The following DUSP7 variants were observed in gnomAD, a reference collection of about 807,000 sequenced individuals.
The protein encoded by DUSP7 is dual specificity protein phosphatase 7.
In DUSP7, 7 loss-of-function variants were observed where a neutral mutation model predicts 29.8. That is an observed-to-expected ratio of 0.24 (90% CI 0.13 to 0.44). DUSP7 has a LOEUF of 0.44. Ranked by LOEUF, DUSP7 falls within the 20% of genes least tolerant of loss-of-function variation. The pLI is 1.00. For missense variants in DUSP7, 400 were observed against 583.7 expected (o/e 0.69, Z 3.24); for synonymous variants, 287 against 275.4 (o/e 1.04, Z -0.42).
chr3:52,050,662 T>G lies in DUSP7; in HGVS notation c.*153A>C, dbSNP rs1577765859. ...CTGCGGGCCCTGCCCCCAAGGATGG[T>G]GAGGGGCGCTCCGACACCGATCAGC... On this transcript the variant is annotated 3_prime_UTR_variant, in exon 3 of 3. Transcript: ENST00000495880. This position sits in a 1 kb window ranked among gnomAD's most constrained non-coding sequence, Gnocchi z 5.0. 2.2e-6 allele frequency: 2 copies of G among 899,916 alleles called. No homozygotes were observed. The highest frequency in any genetic ancestry group is 3.3e-6 in the Non-Finnish European group (2 of 612,374). 55.7% of individuals were successfully genotyped at this position (899,916 alleles called of 1,614,324 possible). A position where few individuals can be genotyped will look rare whatever the true frequency, so the allele number is the denominator to read the frequency against.
chr3:52,055,897 A>T lies in DUSP7; in HGVS notation c.470T>A (p.Leu157His). The T allele has an allele frequency of 6.4e-7, 1 of 1,574,354 alleles. No individual in the cohort carries two copies. Among genetic ancestry groups the T allele is most frequent in the Non-Finnish European group, 8.6e-7 (1 of 1,162,898 alleles). ...PGAPASVLGLLLQKLRDDGCQ... is the reference protein window; with the variant it reads ...PGAPASVLGLHLQKLRDDGCQ... ...GCCGTCGTCGCGCAGCTTCTGTAGG[A>T]GCAGGCCGAGCACGGAGGCGGGAGC... Residue 157 changes from leucine to histidine, a missense_variant, in exon 1 of 3, where the codon CTC becomes CAC. By Grantham distance (99) the Leu-to-His change is moderately conservative. Transcript: ENST00000495880.
intron 1 of DUSP7, 92 bp downstream of exon 1, chr3:52,055,758 C>G (rs1211917725): frequency 3.6e-6 from 5 of 1,399,146 alleles, no homozygotes; most frequent in Admixed American, 5.7e-5. Flanking sequence ...AGGGGCAGGC[C>G]GAGCGCGTGG....
In DUSP7 at chr3:52,053,136, A is replaced by C. The variant is rs550594926; in HGVS notation, c.952+804T>G. The C allele has an allele frequency of 9.3e-4, 141 of 152,426 alleles. No homozygotes were observed. The highest frequency in any genetic ancestry group is 3.1e-3 in the African/African-American group (130 of 41,566). 9.4% of individuals were successfully genotyped at this position (152,426 alleles called of 1,614,324 possible). A position where few individuals can be genotyped will look rare whatever the true frequency, so the allele number is the denominator to read the frequency against. ...TTGCCACTGGAGGCTGGGCAGAAACATTGGGTCACCAGGCTCAGAGATAGA... is the reference window on the plus strand; with the variant it reads ...TTGCCACTGGAGGCTGGGCAGAAACCTTGGGTCACCAGGCTCAGAGATAGA... On this transcript the variant is annotated intron_variant, in intron 2 of 2. Coordinates refer to ENST00000495880, the MANE Select transcript of DUSP7 (RefSeq NM_001947.4). The surrounding 1 kb of genome is among the most constrained non-coding windows in gnomAD (Gnocchi z 4.6).
rs953720194 is a variant in DUSP7, at chr3:52,055,517, G to A, written c.517+333C>T. ...ACTTGGGCGCCCTGCCGCTTTTAGG[G>A]TTCTGGGAGGCGGCGCCTTCCACCT... On this transcript the variant is annotated intron_variant, in intron 1 of 2. Transcript: ENST00000495880. Among the ~76,000 whole-genome samples the A allele has an allele frequency of 4.6e-5, 7 of 152,322 alleles. No individual in the cohort carries two copies. In the East Asian group the frequency reaches 1.3e-3, roughly 29 times the overall value.
Position 52,056,452 on chromosome 3 carries a change from G to A in DUSP7, c.-86C>T, listed in dbSNP as rs968562338. On this transcript the variant is annotated 5_prime_UTR_variant, in exon 1 of 3. Transcript: ENST00000495880. This position sits in a 1 kb window ranked among gnomAD's most constrained non-coding sequence, Gnocchi z 6.4. ...CCGCGCGGGCCCCAGCCGCGTCTCCGGGCGCCCGCCTCCCGCCGAGCTGCG... is the reference window on the plus strand; with the variant it reads ...CCGCGCGGGCCCCAGCCGCGTCTCCAGGCGCCCGCCTCCCGCCGAGCTGCG... The A allele has an allele frequency of 8.1e-6, 6 of 738,348 alleles. No homozygotes were observed. The highest frequency in any genetic ancestry group is 5.8e-5 in the African/African-American group (3 of 51,822). 45.7% of individuals were successfully genotyped at this position (738,348 alleles called of 1,614,324 possible). A position where few individuals can be genotyped will look rare whatever the true frequency, so the allele number is the denominator to read the frequency against.
At position 52,055,885 on chromosome 3, in the gene DUSP7, A is replaced by G; in HGVS notation, c.482T>C (p.Leu161Pro). 1 of 1,572,178 alleles carries G rather than the reference A, an allele frequency of 6.4e-7. No homozygotes were observed. Among genetic ancestry groups the G allele is most frequent in the Non-Finnish European group, 8.6e-7 (1 of 1,159,978 alleles). Residue 161 changes from leucine to proline, a missense_variant, in exon 1 of 3, where the codon CTG becomes CCG. This residue lies in a region of DUSP7 where 223 missense variants were observed against 360.9 expected (regional missense o/e 0.62). Transcript: ENST00000495880. ...GTAGGCCTGGCAGCCGTCGTCGCGC[A>G]GCTTCTGTAGGAGCAGGCCGAGCAC... ...ASVLGLLLQK[L>P]RDDGCQAYYL...
chr3:52,056,352 G>C lies in DUSP7; in HGVS notation c.15C>G (p.Leu5=). 1 of 1,141,710 alleles carries C rather than the reference G, an allele frequency of 8.8e-7. No homozygotes were observed. The highest frequency in any genetic ancestry group is 1.1e-6 in the Non-Finnish European group (1 of 932,308). The allele number at this position is 1,141,710 out of a possible 1,614,324, so 70.7% of individuals were successfully genotyped here. A position where few individuals can be genotyped will look rare whatever the true frequency, so the allele number is the denominator to read the frequency against. Residue 5 remains leucine (L), a synonymous_variant, in exon 1 of 3, where the codon CTC becomes CTG. Coordinates refer to ENST00000495880, the MANE Select transcript of DUSP7 (RefSeq NM_001947.4). This position sits in a 1 kb window ranked among gnomAD's most constrained non-coding sequence, Gnocchi z 6.4. ...TGTGCGCCCGCGCTGGGGGGCCGCG[G>C]AGCTGGTTTTTCATGGGGAGCGCGG... MKNQ[L]RGPPARAHMS...
chr3:52,053,714 G>T lies in DUSP7; in HGVS notation c.952+226C>A. 1 of 577,156 alleles carries T rather than the reference G, an allele frequency of 1.7e-6. No individual in the cohort carries two copies. 35.8% of individuals were successfully genotyped at this position (577,156 alleles called of 1,614,324 possible). On this transcript the variant is annotated intron_variant, in intron 2 of 2. Coordinates refer to ENST00000495880, the MANE Select transcript of DUSP7 (RefSeq NM_001947.4). The surrounding 1 kb of genome is among the most constrained non-coding windows in gnomAD (Gnocchi z 4.6). ...GCCCATGACGTGCTGTCAGCTAGGG[G>T]GAGCTCAGGACTCAGGAGACTGCTC...
In DUSP7 at chr3:52,056,340, T is replaced by C; in HGVS notation, c.27A>G (p.Pro9=). The change falls in exon 1 of 3, where the codon CCA becomes CCG. Residue 9 remains proline (P), a synonymous_variant. Coordinates refer to ENST00000495880, the MANE Select transcript of DUSP7 (RefSeq NM_001947.4). This position sits in a 1 kb window ranked among gnomAD's most constrained non-coding sequence, Gnocchi z 6.4. ...CCGAAGTCGACATGTGCGCCCGCGC[T>C]GGGGGGCCGCGGAGCTGGTTTTTCA... The part of the protein sequence containing the change: MKNQLRGP[P]ARAHMSTSGA... The C allele has an allele frequency of 8.6e-7, 1 of 1,157,048 alleles. No homozygotes were observed. The highest frequency in any genetic ancestry group is 4.8e-5 in the Admixed American group (1 of 20,928). 71.7% of individuals were successfully genotyped at this position (1,157,048 alleles called of 1,614,324 possible). A position where few individuals can be genotyped will look rare whatever the true frequency, so the allele number is the denominator to read the frequency against.
chr3:52,054,065 T>C lies in DUSP7; in HGVS notation c.827A>G (p.Asn276Ser), dbSNP rs550638572. 2 of 1,614,124 alleles carry C rather than the reference T, an allele frequency of 1.2e-6. No individual in the cohort carries two copies. Among genetic ancestry groups the C allele is most frequent in the South Asian group, 1.1e-5 (1 of 91,072 alleles). ...LGKYGIKYILNVTPNLPNAFE... is the reference protein window; with the variant it reads ...LGKYGIKYILSVTPNLPNAFE... ...GGCGTTGGGTAGGTTGGGTGTGACA[T>C]TGAGGATATACTTGATGCCATACTT... Residue 276 changes from asparagine (N) to serine (S), a missense_variant, in exon 2 of 3, where the codon AAT becomes AGT. Physicochemically the swap from Asn to Ser is conservative, Grantham distance 46. This residue lies in a region of DUSP7 where 223 missense variants were observed against 360.9 expected (regional missense o/e 0.62). Coordinates refer to ENST00000495880, the MANE Select transcript of DUSP7 (RefSeq NM_001947.4). The surrounding 1 kb of genome is among the most constrained non-coding windows in gnomAD (Gnocchi z 4.1).
rs1270163554 is a variant in DUSP7 at position 52,053,580 on chromosome 3, G to A, written c.952+360C>T. On this transcript the variant is annotated intron_variant, in intron 2 of 2. Transcript: ENST00000495880. This position sits in a 1 kb window ranked among gnomAD's most constrained non-coding sequence, Gnocchi z 4.6. ...CCTGGAGAGACACGTGTGCTGAGGC[G>A]TGATGCGGAGCAAGTGAGACCCGTG... 8.4e-5 allele frequency: 25 copies of A among 298,694 alleles called. No individual in the cohort carries two copies. The highest frequency in any genetic ancestry group is 1.3e-4 in the African/African-American group (6 of 46,772). 18.5% of individuals were successfully genotyped at this position (298,694 alleles called of 1,614,324 possible). A position where few individuals can be genotyped will look rare whatever the true frequency, so the allele number is the denominator to read the frequency against.
intron 1 of DUSP7, 36 bp downstream of exon 1, chr3:52,055,814 C>G (rs757913366): frequency 1.5e-5 from 22 of 1,483,106 alleles, no homozygotes; most frequent in East Asian, 4.7e-5. Flanking sequence ...CGCGGGGGGG[C>G]CCCGATCCCG....
rs150800928 is a variant in DUSP7, at chr3:52,054,599, C to T, written c.518-225G>A. ...ACTGAGGCCCCAGAAGGTGAAGTGA[C>T]GTGCCTGGACTCCAAACTGGTACCC... On this transcript the variant is annotated intron_variant, in intron 1 of 2. Transcript: ENST00000495880. The surrounding 1 kb of genome is among the most constrained non-coding windows in gnomAD (Gnocchi z 4.1). 4.6e-5 allele frequency among the ~76,000 whole-genome samples: 7 copies of T among 152,298 alleles called. No individual in the cohort carries two copies. The highest frequency in any genetic ancestry group is 7.2e-5 in the African/African-American group (3 of 41,540).
rs754814916 is a variant in DUSP7, at chr3:52,051,133, T to C, written c.953-11A>G. 7 of 1,598,582 alleles carry C rather than the reference T, an allele frequency of 4.4e-6. No homozygotes were observed. Among genetic ancestry groups the C allele is most frequent in the Admixed American group, 3.3e-5 (2 of 59,794 alleles). The stretch of plus-strand genomic sequence containing the variant: ...TGGAGCGGGCTTCGTCTGAAACACA[T>C]TGGCATGGGTCAGGGAGGTGCCTCC... On this transcript the variant is annotated splice_polypyrimidine_tract_variant and intron_variant, in intron 2 of 2. Coordinates refer to ENST00000495880, the MANE Select transcript of DUSP7 (RefSeq NM_001947.4). This position sits in a 1 kb window ranked among gnomAD's most constrained non-coding sequence, Gnocchi z 4.8.
chr3:52,056,124 C>T lies in DUSP7; in HGVS notation c.243G>A (p.Glu81=), dbSNP rs1701898176. 2 of 1,604,088 alleles carry T rather than the reference C, an allele frequency of 1.2e-6. No homozygotes were observed. Among genetic ancestry groups the T allele is most frequent in the South Asian group, 1.1e-5 (1 of 90,728 alleles). Residue 81 remains glutamate (E), a synonymous_variant, in exon 1 of 3, where the codon GAG becomes GAA. Coordinates refer to ENST00000495880, the MANE Select transcript of DUSP7 (RefSeq NM_001947.4). The surrounding 1 kb of genome is among the most constrained non-coding windows in gnomAD (Gnocchi z 6.4). ...TCTCGATGTGCGACGACTCGAAGAG[C>T]TCGTGCGGCCGGCAGTCGAGCAGCA... The part of the protein sequence containing the change: ...SLLLLDCRPH[E]LFESSHIETA...
At position 52,055,989 on chromosome 3, in the gene DUSP7, C is replaced by T. The variant is rs756898761; in HGVS notation, c.378G>A (p.Thr126=). 8.9e-6 allele frequency: 14 copies of T among 1,580,912 alleles called. No homozygotes were observed. The highest frequency in any genetic ancestry group is 1.3e-5 in the African/African-American group (1 of 74,232). ...PNHADKERFA[T]RCKAATVLLY... is the part of the protein sequence containing the mutation. ...GCAGCACGGTGGCCGCCTTGCAGCG[C>T]GTGGCGAAGCGCTCCTTGTCGGCGT... Residue 126 remains threonine, a synonymous_variant, in exon 1 of 3, where the codon ACG becomes ACA. Transcript: ENST00000495880.
rs201497472 is a variant in DUSP7 at position 52,054,017 on chromosome 3, G to A, written c.875C>T (p.Thr292Ile). The change falls in exon 2 of 3, where the codon ACC becomes ATC. Residue 292 changes from threonine (T) to isoleucine (I), a missense_variant. Coordinates refer to ENST00000495880, the MANE Select transcript of DUSP7 (RefSeq NM_001947.4). The surrounding 1 kb of genome is among the most constrained non-coding windows in gnomAD (Gnocchi z 4.1). ...GTCAGAGATGGGGATCTGCTTGTAG[G>A]TGAACTCGCCGCCGTGCTCGAAGGC... The part of the protein sequence containing the change: ...PNAFEHGGEF[T>I]YKQIPISDHW... The A allele has an allele frequency of 2.1e-5, 34 of 1,614,106 alleles. 1 individual carries two copies. The South Asian group carries it at 3.5e-4, about 17-fold the overall frequency.
rs1701866635 is a variant in DUSP7, at chr3:52,053,490, C to T, written c.952+450G>A. 1 of 205,680 alleles carries T rather than the reference C, an allele frequency of 4.9e-6. No individual in the cohort carries two copies. Among genetic ancestry groups the T allele is most frequent in the African/African-American group, 2.3e-5 (1 of 43,290 alleles). 12.7% of individuals were successfully genotyped at this position (205,680 alleles called of 1,614,324 possible). On this transcript the variant is annotated intron_variant, in intron 2 of 2. Transcript: ENST00000495880. The surrounding 1 kb of genome is among the most constrained non-coding windows in gnomAD (Gnocchi z 4.6). ...CCTGTTTGGGGTGTGCCTCTGGCTC[C>T]AGGGCTACCTTTCAGCCCTCTTAGG...
chr3:52,055,237 A>C (rs2106894372), intron 1 of DUSP7, among the ~76,000 whole-genome samples: 1 of 143,480 alleles, frequency 7.0e-6, no homozygotes, highest in South Asian at 2.2e-4. Flanking sequence ...CCCCGGTGCT[A>C]CCTCTCCCTT....
Sources: allele counts gnomAD v4.1 joint callset (sites outside exome capture counted in the v4.1 genomes callset), GRCh38; gene constraint gnomAD v4.1.1; regional missense constraint gnomAD v4.1.1; non-coding constraint Gnocchi (gnomAD v3.1); transcripts MANE v1.5; gene names NCBI Gene and HGNC (gene_info 2026-07-23, HGNC 2026-07-21).